SEMA3E: variants seen among roughly 807,000 people sequenced by gnomAD.
SEMA3E encodes semaphorin-3E.
In SEMA3E, 49 loss-of-function variants were observed where a neutral mutation model predicts 93.6. The observed-to-expected ratio is 0.52, with a 90% CI of 0.42 to 0.66. The LOEUF (loss-of-function observed/expected upper bound fraction) is 0.66, where lower values mean the gene tolerates loss of function less well. SEMA3E is among the 30% of genes least tolerant of loss of function. The pLI is 0.00. For missense variants in SEMA3E, 906 were observed against 964.8 expected (o/e 0.94, Z 0.81); for synonymous variants, 363 against 330.7 (o/e 1.10, Z -1.06).
At chr7:83,520,655 C>T (rs1791024194) in intron 1 of SEMA3E, among the ~76,000 whole-genome samples, 1 of 152,150 alleles carries the variant, frequency 6.6e-6, no homozygotes, top group Non-Finnish European at 1.5e-5. Context: ...CAACATACAC[C>T]GTATTTAAGA....
At chr7:83,609,642 C>T (rs986642995) in intron 1 of SEMA3E, among the ~76,000 whole-genome samples, 14 of 151,802 alleles carry the variant, frequency 9.2e-5, no homozygotes, top group African/African-American at 2.7e-4. Context: ...TTGTGATCAA[C>T]GGTGATTAAT....
At chr7:83,387,161 T>C in intron 14 of SEMA3E, 111 bp from the exon 15 acceptor site, 1 of 861,796 alleles carries the variant, frequency 1.2e-6, no homozygotes, top group Non-Finnish European at 1.9e-6. Context: ...AAAAAAATGA[T>C]CATTCATATG....
rs563226233 is a variant in SEMA3E, at chr7:83,617,558, T to G, written c.115+30870A>C. 5.7e-3 allele frequency among the ~76,000 whole-genome samples: 826 copies of G among 145,576 alleles called. 25 individuals are homozygous for G. Among genetic ancestry groups the G allele is most frequent in the African/African-American group, 0.02 (789 of 39,632 alleles). ...TTTATATAAGTAATATATAATTTTA[T>G]ATAAATTTTATATAAGTAATATATA... On this transcript the variant is annotated intron_variant, in intron 1 of 16. Transcript: ENST00000643230.
chr7:83,504,841 T>C (rs1347274272), intron 1 of SEMA3E, among the ~76,000 whole-genome samples: 1 of 152,128 alleles, frequency 6.6e-6, no homozygotes, highest in Non-Finnish European at 1.5e-5. Flanking sequence ...CTGTGTGAAA[T>C]ATCCAATATA....
At chr7:83,576,842 G>C (rs1792415997) in intron 1 of SEMA3E, among the ~76,000 whole-genome samples, 1 of 152,070 alleles carries the variant, frequency 6.6e-6, no homozygotes, top group African/African-American at 2.4e-5. Context: ...GGGCAGGCTG[G>C]TCTCAAAACT....
intron 5 of SEMA3E, among the ~76,000 whole-genome samples, chr7:83,410,374 T>A (rs1173212542): frequency 6.6e-6 from 1 of 152,030 alleles, no homozygotes; most frequent in East Asian, 1.9e-4. Context: ...TGAGTTCTTC[T>A]AGTATATTCA....
intron 1 of SEMA3E, among the ~76,000 whole-genome samples, chr7:83,510,104 TTGAG>T (rs551098830): frequency 1.1e-3 from 162 of 152,324 alleles, no homozygotes; most frequent in African/African-American, 3.6e-3. Flanking sequence ...CCTCACATTC[TTGAG>T]TATTATTGTC....
At chr7:83,492,139 G>A (rs1393429833) in intron 1 of SEMA3E, among the ~76,000 whole-genome samples, 2 of 151,982 alleles carry the variant, frequency 1.3e-5, no homozygotes, top group Admixed American at 6.6e-5. Flanking sequence ...GGATGGTTAC[G>A]CACTAGCTTG....
Position 83,502,616 on chromosome 7 carries a change from T to C in SEMA3E, c.116-12342A>G, listed in dbSNP as rs115127811. On this transcript the variant is annotated intron_variant, in intron 1 of 16. Transcript: ENST00000643230. ...AGAAATAAATAAGCCTTCCCAGTGTTAAGAAATCTAAAGATTCCAACCAGG... is the reference window on the plus strand; with the variant it reads ...AGAAATAAATAAGCCTTCCCAGTGTCAAGAAATCTAAAGATTCCAACCAGG... 2.7e-3 allele frequency among the ~76,000 whole-genome samples: 418 copies of C among 152,312 alleles called. 2 individuals carry two copies. Among genetic ancestry groups the C allele is most frequent in the African/African-American group, 8.3e-3 (346 of 41,568 alleles).
chr7:83,453,423 A>C (rs1584258203), intron 4 of SEMA3E, among the ~76,000 whole-genome samples: 1 of 22,812 alleles, frequency 4.4e-5, no homozygotes, highest in African/African-American at 6.5e-5. Flanking sequence ...TCCCTACTGA[A>C]AAAAAAAAAA....
rs189873877 is a variant in SEMA3E at position 83,366,056 on chromosome 7, T to C, written c.*1530A>G. 3.6e-4 allele frequency: 55 copies of C among 152,254 alleles called. No individual in the cohort carries two copies. In the East Asian group the frequency reaches 0.01, roughly 29 times the overall value. 9.4% of individuals were successfully genotyped at this position (152,254 alleles called of 1,614,324 possible). A position where few individuals can be genotyped will look rare whatever the true frequency, so the allele number is the denominator to read the frequency against. On this transcript the variant is annotated 3_prime_UTR_variant, in exon 17 of 17. Coordinates refer to ENST00000643230, the MANE Select transcript of SEMA3E (RefSeq NM_012431.3). The stretch of plus-strand genomic sequence containing the variant: ...AGCATGGTGACTTATCTGAATAAAC[T>C]TAAATTTTTCTTAAAATATTTATGT...
intron 1 of SEMA3E, among the ~76,000 whole-genome samples, chr7:83,497,644 C>G (rs1790514485): frequency 6.6e-6 from 1 of 152,286 alleles, no homozygotes; most frequent in South Asian, 2.1e-4. Context: ...GATGTTGAAA[C>G]AGATTCGTAA....
intron 1 of SEMA3E, among the ~76,000 whole-genome samples, chr7:83,591,042 A>C (rs1263142278): frequency 6.9e-6 from 1 of 145,368 alleles, no homozygotes; most frequent in East Asian, 2.0e-4. Flanking sequence ...GGAAGTTTTA[A>C]TTTTCTGTTA....
chr7:83,639,997 T>C (rs544097342), intron 1 of SEMA3E, among the ~76,000 whole-genome samples: 3 of 152,230 alleles, frequency 2.0e-5, no homozygotes, highest in African/African-American at 7.2e-5. Context: ...TAAACAGCTA[T>C]ACACAATGCT....
chr7:83,448,805 T>C (rs1344937413), intron 4 of SEMA3E, among the ~76,000 whole-genome samples: 62 of 152,130 alleles, frequency 4.1e-4, no homozygotes, highest in Admixed American at 3.9e-3. Context: ...ATCATAAATG[T>C]GAAAAGTGAT....
Position 83,367,703 on chromosome 7 carries a change from TC to T in SEMA3E, c.2210del (p.Arg737LysfsTer49). The T allele has an allele frequency of 6.2e-7, 1 of 1,613,936 alleles. No homozygotes were observed. Among genetic ancestry groups the T allele is most frequent in the South Asian group, 1.1e-5 (1 of 91,070 alleles). ...EYCEKVWCTD[R>X]KRKKLKMSPS... The stretch of plus-strand genomic sequence containing the variant: ...GTGACATTTTAAGCTTTTTCCTCTT[TC>T]TATCTGTGCACCATACTTTCTCGCA... On this transcript the variant is annotated frameshift_variant, in exon 17 of 17. Transcript: ENST00000643230. LOFTEE classifies it high-confidence loss of function.
intron 16 of SEMA3E, 61 bp downstream of exon 16, chr7:83,385,233 T>C (rs1359181135): frequency 1.3e-6 from 2 of 1,573,270 alleles, no homozygotes; most frequent in South Asian, 1.1e-5. Context: ...ATAAATCATC[T>C]ATTTACTGAT....
chr7:83,642,932 G>T (rs936684400), intron 1 of SEMA3E, among the ~76,000 whole-genome samples: 9 of 152,164 alleles, frequency 5.9e-5, no homozygotes, highest in South Asian at 2.1e-4. Context: ...GATATTTCTG[G>T]ATTCCTGCAG....
intron 1 of SEMA3E, among the ~76,000 whole-genome samples, chr7:83,492,994 A>G (rs920685058): frequency 5.9e-5 from 9 of 151,970 alleles, no homozygotes; most frequent in African/African-American, 2.2e-4. Flanking sequence ...GGCTTTGACA[A>G]TAATTGCGTA....
Sources: allele counts gnomAD v4.1 joint callset (sites outside exome capture counted in the v4.1 genomes callset), GRCh38; gene constraint gnomAD v4.1.1; transcripts MANE v1.5; gene names NCBI Gene and HGNC (gene_info 2026-07-23, HGNC 2026-07-21).